BMPR1B: variants seen among roughly 807,000 people sequenced by gnomAD.
BMPR1B encodes the protein bone morphogenetic protein receptor type 1B, also known as bone morphogenetic protein receptor type-1B.
In BMPR1B, 12 loss-of-function variants were observed where a neutral mutation model predicts 59.1. The ratio of observed to expected loss-of-function variants is 0.20; its 90% CI spans 0.13 to 0.33. The LOEUF is 0.33. Ranked by LOEUF, BMPR1B falls within the 10% of genes least tolerant of loss-of-function variation. The probability of loss-of-function intolerance (pLI) is 1.00; values close to 1 mark genes in which losing one functional copy is unlikely to be tolerated. For missense variants in BMPR1B, 550 were observed against 610.9 expected, an observed-to-expected ratio of 0.90 and a Z score of 1.05; for synonymous variants, 237 against 207.3, an observed-to-expected ratio of 1.14 and a Z score of -1.23.
intron 3 of BMPR1B, among the ~76,000 whole-genome samples, chr4:95,038,669 C>T (rs955961711): frequency 2.6e-5 from 4 of 152,096 alleles, no homozygotes; most frequent in Non-Finnish European, 5.9e-5. Flanking sequence ...ATTAAAAATA[C>T]GTTTAAAGAA....
At chr4:94,855,961 T>A (rs1158083767) in intron 1 of BMPR1B, among the ~76,000 whole-genome samples, 4 of 152,200 alleles carry the variant, frequency 2.6e-5, no homozygotes, top group Non-Finnish European at 4.4e-5. Context: ...AAATAAAACT[T>A]CGAATAACTT....
chr4:94,952,763 T>C (rs965119884), intron 2 of BMPR1B, among the ~76,000 whole-genome samples: 2 of 152,166 alleles, frequency 1.3e-5, no homozygotes, highest in African/African-American at 4.8e-5. Context: ...AGTCTGTAGA[T>C]GTCTGTTAGG....
intron 1 of BMPR1B, among the ~76,000 whole-genome samples, chr4:94,835,241 G>T (rs1301173923): frequency 5.3e-5 from 8 of 152,102 alleles, no homozygotes; most frequent in Admixed American, 2.6e-4. Context: ...GGGTTAAGTA[G>T]CCCAGGCTGG....
At chr4:95,029,204 G>A (rs1327346625) in intron 3 of BMPR1B, among the ~76,000 whole-genome samples, 2 of 151,154 alleles carry the variant, frequency 1.3e-5, no homozygotes, top group East Asian at 1.9e-4. Flanking sequence ...CCATTAACTC[G>A]TCATTTAGCA....
chr4:94,881,632 A>G (rs544075072), intron 2 of BMPR1B, among the ~76,000 whole-genome samples: 4 of 151,898 alleles, frequency 2.6e-5, no homozygotes, highest in African/African-American at 9.7e-5. Flanking sequence ...CACCCAGCTA[A>G]TTTTTGTATT....
At chr4:94,822,415 A>G (rs527337190) in intron 1 of BMPR1B, among the ~76,000 whole-genome samples, 1 of 152,288 alleles carries the variant, frequency 6.6e-6, no homozygotes, top group South Asian at 2.1e-4. Flanking sequence ...TTCTCAACAC[A>G]TTGGACATAT....
chr4:94,846,953 A>C (rs1227889391), intron 1 of BMPR1B, among the ~76,000 whole-genome samples: 3 of 152,314 alleles, frequency 2.0e-5, no homozygotes, highest in African/African-American at 7.2e-5. Context: ...GACAAATGGC[A>C]TTATATCAAG....
chr4:94,783,446 T>C (rs1009811946), intron 1 of BMPR1B, among the ~76,000 whole-genome samples: 1 of 152,250 alleles, frequency 6.6e-6, no homozygotes, highest in African/African-American at 2.4e-5. Context: ...AGGCTTGAAC[T>C]TCCCTTATAC....
intron 3 of BMPR1B, among the ~76,000 whole-genome samples, chr4:95,062,366 A>G (rs1192315624): frequency 2.0e-5 from 3 of 152,314 alleles, no homozygotes; most frequent in South Asian, 2.1e-4. Context: ...TCTATATTCA[A>G]CCACATTTAG....
Position 95,079,575 on chromosome 4 carries a change from C to G in BMPR1B, c.-17-24833C>G, listed in dbSNP as rs71601257. The stretch of plus-strand genomic sequence containing the variant: ...TCTTTCAGACCTTTATATGTAATAA[C>G]ATGATTTTTCCTAATTTAGAATTAA... On this transcript the variant is annotated intron_variant, in intron 3 of 12. Transcript: ENST00000515059. Among the ~76,000 whole-genome samples, 1,142 of 152,168 alleles carry G rather than the reference C, an allele frequency of 7.5e-3. 6 individuals carry two copies. The highest frequency in any genetic ancestry group is 0.013 in the Non-Finnish European group (881 of 68,004).
intron 1 of BMPR1B, among the ~76,000 whole-genome samples, chr4:94,783,651 T>C (rs1201462201): frequency 1.3e-5 from 2 of 152,212 alleles, no homozygotes; most frequent in Admixed American, 6.5e-5. Flanking sequence ...GATGGTAGCC[T>C]CTGGTCTCCT....
chr4:94,884,574 C>G (rs1393163545), intron 2 of BMPR1B, among the ~76,000 whole-genome samples: 4 of 152,054 alleles, frequency 2.6e-5, no homozygotes, highest in Admixed American at 1.3e-4. Context: ...AGGATACTTT[C>G]AAATTGGATA....
intron 2 of BMPR1B, among the ~76,000 whole-genome samples, chr4:94,896,497 T>C (rs779058513): frequency 6.6e-6 from 1 of 151,994 alleles, no homozygotes; most frequent in Non-Finnish European, 1.5e-5. Flanking sequence ...TGTAATTTCT[T>C]TGATTATATG....
chr4:94,916,249 G>A (rs922994195), intron 2 of BMPR1B, among the ~76,000 whole-genome samples: 1 of 152,190 alleles, frequency 6.6e-6, no homozygotes, highest in Admixed American at 6.5e-5. Flanking sequence ...CTGGGTAAGG[G>A]GCAGAGGTTG....
At chr4:94,858,341 A>G (rs6846271) in intron 1 of BMPR1B, among the ~76,000 whole-genome samples, 92,158 of 151,988 alleles carry the variant, frequency 0.61, 28,629 homozygotes, top group African/African-American at 0.74. Flanking sequence ...ATTTCAATAG[A>G]AATGCAATGC....
intron 1 of BMPR1B, among the ~76,000 whole-genome samples, chr4:94,789,373 T>C (rs1722881404): frequency 6.6e-6 from 1 of 152,182 alleles, no homozygotes; most frequent in African/African-American, 2.4e-5. Flanking sequence ...TTGGTCATTG[T>C]CAACTTCCAG....
chr4:95,130,311 G>A (rs1333013973), intron 9 of BMPR1B, among the ~76,000 whole-genome samples: 1 of 152,190 alleles, frequency 6.6e-6, no homozygotes, highest in Non-Finnish European at 1.5e-5. Flanking sequence ...CAGGAAATGC[G>A]AGTGTAAAAC....
At chr4:94,863,182 C>T (rs1385066016) in intron 1 of BMPR1B, among the ~76,000 whole-genome samples, 3 of 152,154 alleles carry the variant, frequency 2.0e-5, no homozygotes, top group African/African-American at 7.2e-5. Context: ...ACACCGGGGC[C>T]TACTTGATGG....
At chr4:95,131,758 A>G (rs1179422650) in intron 10 of BMPR1B, among the ~76,000 whole-genome samples, 4 of 152,218 alleles carry the variant, frequency 2.6e-5, no homozygotes, top group Non-Finnish European at 5.9e-5. Context: ...ATTAAGTTAT[A>G]TAGAAAAGAA....
Sources: allele counts gnomAD v4.1 joint callset (sites outside exome capture counted in the v4.1 genomes callset), GRCh38; gene constraint gnomAD v4.1.1; transcripts MANE v1.5; gene names NCBI Gene and HGNC (gene_info 2026-07-23, HGNC 2026-07-21).